Variants in TSPAN15 observed in about 807,000 individuals in gnomAD.
TSPAN15 encodes the protein tetraspanin-15.
In TSPAN15, 20 loss-of-function variants were observed where a neutral mutation model predicts 34.5. The ratio of observed to expected loss-of-function variants is 0.58; its 90% CI spans 0.41 to 0.84. The LOEUF is 0.84. Among genes scored for constraint, TSPAN15 ranks in the 40% least tolerant of loss-of-function variants. The pLI, the probability that TSPAN15 is intolerant of heterozygous loss-of-function variation, is 0.00. For synonymous variants in TSPAN15, 155 were observed against 153.9 expected (o/e 1.01, Z -0.05); for missense variants, 313 against 386.1 (o/e 0.81, Z 1.59).
At chr10:69,513,316 G>A in the TSPAN15 span, among the ~76,000 whole-genome samples, 1 of 152,066 alleles carries the variant, frequency 6.6e-6, no homozygotes, top group Non-Finnish European at 1.5e-5. Context: ...TGCTGGATAC[G>A]GGTCCTTGAT....
At chr10:69,495,816 G>C (rs1842068277) in intron 4 of TSPAN15, 127 bp downstream of exon 4, 1 of 680,956 alleles carries the variant, frequency 1.5e-6, no homozygotes, top group Non-Finnish European at 2.5e-6. Context: ...TGGCTGGCCA[G>C]ATTGGGAGGC....
intron 1 of TSPAN15, 122 bp downstream of exon 1, chr10:69,451,812 G>T: frequency 1.4e-6 from 1 of 712,496 alleles, no homozygotes. Context: ...GAGCGCGCGC[G>T]GACTCCTTGT....
At chr10:69,525,090 C>CT in the TSPAN15 span, among the ~76,000 whole-genome samples, 56 of 146,744 alleles carry the variant, frequency 3.8e-4, 3 homozygotes, top group South Asian at 1.5e-3. Context: ...CTATATACAT[C>CT]TTTTTTTTAA....
At chr10:69,507,651 GTTTTTTTTTT>G (rs398014021) in exon 8 of TSPAN15, 2 of 1,012,136 alleles carry the variant, frequency 2.0e-6, no homozygotes, top group Non-Finnish European at 2.5e-6. Context: ...ATAAAAACAT[GTTTTTTTTTT>G]TTTTTTTTTT....
chr10:69,499,761 G>C (rs1363762029), intron 5 of TSPAN15, among the ~76,000 whole-genome samples: 1 of 152,208 alleles, frequency 6.6e-6, no homozygotes, highest in Non-Finnish European at 1.5e-5. Context: ...ACTGAGAAAG[G>C]CGGGATCTGG....
At chr10:69,540,828 G>A in the TSPAN15 span, among the ~76,000 whole-genome samples, 1 of 151,932 alleles carries the variant, frequency 6.6e-6, no homozygotes, top group African/African-American at 2.4e-5. Context: ...CAGGTGGGAG[G>A]GGCGAGGTCT....
In TSPAN15 at chr10:69,507,366, C is replaced by A. The variant is rs1367706184; in HGVS notation, c.*388C>A. Reference sequence around the variant, plus strand: ...CCTGTAATTGGGGAGAGGGAGTGTGCCCCTCGGGGCAGGAGGGAAGGGCAT... The same window carrying A: ...CCTGTAATTGGGGAGAGGGAGTGTGACCCTCGGGGCAGGAGGGAAGGGCAT... On this transcript the variant is annotated 3_prime_UTR_variant, in exon 8 of 8. Transcript: ENST00000373290. 2.5e-6 allele frequency: 3 copies of A among 1,210,938 alleles called. No homozygotes were observed. Among genetic ancestry groups the A allele is most frequent in the Non-Finnish European group, 3.1e-6 (3 of 956,100 alleles). 75.0% of individuals were successfully genotyped at this position (1,210,938 alleles called of 1,614,324 possible). A position where few individuals can be genotyped will look rare whatever the true frequency, so the allele number is the denominator to read the frequency against.
chr10:69,515,769 C>T, the TSPAN15 span, among the ~76,000 whole-genome samples: 1 of 152,180 alleles, frequency 6.6e-6, no homozygotes, highest in African/African-American at 2.4e-5. Flanking sequence ...CACAAACGTT[C>T]CCAGCAAGAA....
At chr10:69,507,977 T>G (rs1842371654), downstream of TSPAN15, among the ~76,000 whole-genome samples, 1 of 152,138 alleles carries the variant, frequency 6.6e-6, no homozygotes, top group Non-Finnish European at 1.5e-5. Context: ...CCGCGCTCCC[T>G]GCAGCCCTCA....
At chr10:69,510,787 G>C (rs766174854), downstream of TSPAN15, among the ~76,000 whole-genome samples, 10 of 152,150 alleles carry the variant, frequency 6.6e-5, no homozygotes, top group African/African-American at 9.7e-5. Context: ...TAGCATGAAG[G>C]GGTGTTGAAT....
In TSPAN15 at chr10:69,495,569, C is replaced by G; in HGVS notation, c.358-25C>G. On this transcript the variant is annotated intron_variant, in intron 3 of 7. Transcript: ENST00000373290. Reference sequence around the variant, plus strand: ...ACTCCGGGAGTGTGTGGTTCTTTTCCTTTGTAATTTCTCCTTTTGAATAGA... The same window carrying G: ...ACTCCGGGAGTGTGTGGTTCTTTTCGTTTGTAATTTCTCCTTTTGAATAGA... 3 of 1,574,784 alleles carry G rather than the reference C, an allele frequency of 1.9e-6. No individual in the cohort carries two copies. The South Asian group carries it at 3.3e-5, about 17-fold the overall frequency.
chr10:69,464,784 A>C (rs529202292), intron 1 of TSPAN15, among the ~76,000 whole-genome samples: 1 of 152,172 alleles, frequency 6.6e-6, no homozygotes, highest in Admixed American at 6.5e-5. Flanking sequence ...GCCACCCAGC[A>C]TGTGCCCCTG....
intron 1 of TSPAN15, among the ~76,000 whole-genome samples, chr10:69,474,367 G>T (rs901443813): frequency 3.3e-5 from 5 of 152,176 alleles, no homozygotes; most frequent in African/African-American, 1.2e-4. Flanking sequence ...GCCAGTGGAG[G>T]AATAGGGGAT....
Position 69,506,262 on chromosome 10 carries a change from A to C in TSPAN15, c.735+22A>C. The C allele has an allele frequency of 1.3e-5, 21 of 1,608,046 alleles. No homozygotes were observed. The highest frequency in any genetic ancestry group is 1.8e-5 in the Non-Finnish European group (21 of 1,174,592). ...CCAGGTGGGCAGGCCGTGGGTTCAG[A>C]GAAAGTGTGACTTGGTGATTGCAGA... On this transcript the variant is annotated intron_variant, in intron 7 of 7. Coordinates refer to ENST00000373290, the MANE Select transcript of TSPAN15 (RefSeq NM_012339.5). This position sits in a 1 kb window ranked among gnomAD's most constrained non-coding sequence, Gnocchi z 4.7.
At chr10:69,544,752 G>A in the TSPAN15 span, among the ~76,000 whole-genome samples, 1 of 152,152 alleles carries the variant, frequency 6.6e-6, no homozygotes. Flanking sequence ...GCCTGGGGGA[G>A]GTGGAAGATA....
chr10:69,462,493 G>A (rs972779199), intron 1 of TSPAN15, among the ~76,000 whole-genome samples: 9 of 151,956 alleles, frequency 5.9e-5, no homozygotes, highest in African/African-American at 1.7e-4. Context: ...CCACCATCAC[G>A]CCCAGCTAAT....
chr10:69,543,823 G>A, the TSPAN15 span, among the ~76,000 whole-genome samples: 4,269 of 149,512 alleles, frequency 0.029, 223 homozygotes, highest in African/African-American at 0.1. Flanking sequence ...GAGAAGAGGG[G>A]GAGAGGGAAG....
At chr10:69,489,461 T>C (rs1841923809) in intron 3 of TSPAN15, among the ~76,000 whole-genome samples, 1 of 152,134 alleles carries the variant, frequency 6.6e-6, no homozygotes, top group African/African-American at 2.4e-5. Context: ...GTAAGACAGG[T>C]GTAAGAAATT....
the TSPAN15 span, among the ~76,000 whole-genome samples, chr10:69,535,012 T>C: frequency 6.6e-6 from 1 of 151,992 alleles, no homozygotes; most frequent in Non-Finnish European, 1.5e-5. Context: ...CAAATTCTAA[T>C]ATTGAATTTG....
Sources: allele counts gnomAD v4.1 joint callset (sites outside exome capture counted in the v4.1 genomes callset), GRCh38; gene constraint gnomAD v4.1.1; non-coding constraint Gnocchi (gnomAD v3.1); transcripts MANE v1.5; gene names NCBI Gene and HGNC (gene_info 2026-07-23, HGNC 2026-07-21).